PIP5K1C: variants seen among roughly 807,000 people sequenced by gnomAD.
PIP5K1C encodes phosphatidylinositol 4-phosphate 5-kinase type-1 gamma.
Under a neutral mutation model 80.1 loss-of-function variants are expected in PIP5K1C, and 45 were observed. The ratio of observed to expected loss-of-function variants is 0.56; its 90% CI spans 0.44 to 0.72. The LOEUF (loss-of-function observed/expected upper bound fraction) is 0.72. Ranked by LOEUF, PIP5K1C falls within the 30% of genes least tolerant of loss-of-function variation. PIP5K1C has a pLI of 0.00. For synonymous variants in PIP5K1C, 498 were observed against 420.1 expected, an observed-to-expected ratio of 1.19 and a Z score of -2.27; for missense variants, 753 against 954.6, an observed-to-expected ratio of 0.79 and a Z score of 2.78.
chr19:3,666,998 C>T (rs1488250770), intron 2 of PIP5K1C, among the ~76,000 whole-genome samples: 1 of 151,768 alleles, frequency 6.6e-6, no homozygotes, highest in Non-Finnish European at 1.5e-5. Flanking sequence ...CTCTCCCCAC[C>T]GCCCACCCCC....
chr19:3,691,641 A>G (rs1376964618), intron 1 of PIP5K1C, among the ~76,000 whole-genome samples: 2 of 152,148 alleles, frequency 1.3e-5, no homozygotes, highest in African/African-American at 4.8e-5. Flanking sequence ...GAACTGTAAC[A>G]CAAGAGCTTT....
chr19:3,638,606 G>C (rs189023274), intron 16 of PIP5K1C, among the ~76,000 whole-genome samples: 1 of 152,150 alleles, frequency 6.6e-6, no homozygotes, highest in East Asian at 1.9e-4. Context: ...CGGGGAAGGG[G>C]ACAGGGGTGG....
At chr19:3,679,454 T>C (rs1357388133) in intron 1 of PIP5K1C, among the ~76,000 whole-genome samples, 1 of 152,218 alleles carries the variant, frequency 6.6e-6, no homozygotes, top group African/African-American at 2.4e-5. Flanking sequence ...CCGCCTTGCA[T>C]CCCATTCTAT....
At chr19:3,640,507 TTC>T (rs1468815880) in intron 15 of PIP5K1C, among the ~76,000 whole-genome samples, 1 of 152,006 alleles carries the variant, frequency 6.6e-6, no homozygotes, top group Non-Finnish European at 1.5e-5. Context: ...CAGAGCGAGA[TTC>T]TGTCTCAAAG....
In PIP5K1C at chr19:3,641,762, A is replaced by G. The variant is rs2033970912; in HGVS notation, c.1730T>C (p.Val577Ala). 1 of 1,611,920 alleles carries G rather than the reference A, an allele frequency of 6.2e-7. No individual in the cohort carries two copies. The highest frequency in any genetic ancestry group is 8.5e-7 in the Non-Finnish European group (1 of 1,180,004). ...CACGCTGCACGCAGGCTCCACCTGC[A>G]CTGTAATCTGCTGCAGATCCTCTTC... Reference protein sequence around the residue: ...PAEEDLQQITVQVEPACSVEI... With the variant: ...PAEEDLQQITAQVEPACSVEI... Residue 577 changes from valine (V) to alanine (A), a missense_variant, in exon 15 of 18, where the codon GTG becomes GCG. Physicochemically the swap from Val to Ala is moderately conservative, Grantham distance 64 (BLOSUM62 0). This residue lies in a region of PIP5K1C where 315 missense variants were observed against 294.5 expected (regional missense o/e 1.07). Coordinates refer to ENST00000335312, the MANE Select transcript of PIP5K1C (RefSeq NM_012398.3).
intron 1 of PIP5K1C, among the ~76,000 whole-genome samples, chr19:3,678,556 A>C (rs1252400132): frequency 2.8e-5 from 2 of 70,458 alleles, no homozygotes; most frequent in Admixed American, 1.4e-4. Context: ...GGAGAGATGG[A>C]AGGAGGGATG....
At chr19:3,654,113 C>T (rs985174591) in intron 6 of PIP5K1C, among the ~76,000 whole-genome samples, 1 of 152,224 alleles carries the variant, frequency 6.6e-6, no homozygotes, top group Non-Finnish European at 1.5e-5. Flanking sequence ...ACCATCCTCC[C>T]ACCTCAGCCT....
chr19:3,658,758 G>A (rs776288469), intron 5 of PIP5K1C, among the ~76,000 whole-genome samples: 16 of 152,212 alleles, frequency 1.1e-4, no homozygotes, highest in Non-Finnish European at 8.8e-5. Flanking sequence ...GGGCACGTTC[G>A]GCTTTGTACA....
intron 15 of PIP5K1C, among the ~76,000 whole-genome samples, chr19:3,640,824 C>G (rs1043033279): frequency 6.6e-6 from 1 of 151,336 alleles, no homozygotes; most frequent in Non-Finnish European, 1.5e-5. Context: ...GTAGCTGGGC[C>G]GACAGGTGTC....
rs66697450 is a variant in PIP5K1C at position 3,661,721 on chromosome 19, G to C, written c.350+150C>G. The C allele has an allele frequency of 0.077, 66,556 of 868,976 alleles. 4,028 individuals carry two copies. Among genetic ancestry groups the C allele is most frequent in the African/African-American group, 0.21 (12,690 of 60,192 alleles). The allele number at this position is 868,976 out of a possible 1,614,324, so 53.8% of individuals were successfully genotyped here. On this transcript the variant is annotated intron_variant, in intron 4 of 17. Coordinates refer to ENST00000335312, the MANE Select transcript of PIP5K1C (RefSeq NM_012398.3). ...TGATTCAGCAGCAAACAAACGTCCT[G>C]ACGGACAGAGGGCCAGAGCTCAAGG...
chr19:3,667,937 G>A (rs1049538102), intron 1 of PIP5K1C, among the ~76,000 whole-genome samples: 2 of 152,170 alleles, frequency 1.3e-5, no homozygotes, highest in Admixed American at 1.3e-4. Flanking sequence ...CTGGGCAGCT[G>A]CGGTCAGTGG....
intron 15 of PIP5K1C, 91 bp from the exon 16 acceptor site, chr19:3,639,107 T>C (rs2145383806): frequency 1.4e-6 from 2 of 1,451,556 alleles, no homozygotes; most frequent in Non-Finnish European, 9.5e-7. Context: ...AGGGGCTTCA[T>C]ACGGTCATCA....
rs1236087766 is a variant in PIP5K1C, at chr19:3,692,795, C to A, written c.94+7502G>T. On this transcript the variant is annotated intron_variant, in intron 1 of 17. Coordinates refer to ENST00000335312, the MANE Select transcript of PIP5K1C (RefSeq NM_012398.3). This position sits in a 1 kb window ranked among gnomAD's most constrained non-coding sequence, Gnocchi z 5.2. ...AAGCCCAAGTCCTCCCTGCAGCCCA[C>A]AAGGCCCTGCACACCCTGCCCCGTC... Among the ~76,000 whole-genome samples the A allele has an allele frequency of 6.6e-6, 1 of 152,076 alleles. No homozygotes were observed. Among genetic ancestry groups the A allele is most frequent in the Non-Finnish European group, 1.5e-5 (1 of 68,006 alleles).
intron 7 of PIP5K1C, 55 bp from the exon 8 acceptor site, chr19:3,652,086 A>G (rs1045280772): frequency 3.9e-6 from 6 of 1,555,642 alleles, no homozygotes; most frequent in Admixed American, 3.4e-5. Context: ...ATCCCCCACA[A>G]CGGCTCCCGG....
intron 5 of PIP5K1C, among the ~76,000 whole-genome samples, chr19:3,659,105 T>C (rs1218017603): frequency 6.6e-6 from 1 of 152,186 alleles, no homozygotes; most frequent in African/African-American, 2.4e-5. Flanking sequence ...TGACCTCAGC[T>C]GTCCAATCAG....
At chr19:3,662,860 C>T (rs914840738) in intron 3 of PIP5K1C, among the ~76,000 whole-genome samples, 4 of 149,828 alleles carry the variant, frequency 2.7e-5, no homozygotes, top group Admixed American at 6.7e-5. Flanking sequence ...GCCAGCACGC[C>T]GGCCCCGTTA....
intron 7 of PIP5K1C, 115 bp downstream of exon 7, chr19:3,653,175 G>A: frequency 2.2e-6 from 2 of 896,430 alleles, no homozygotes; most frequent in Non-Finnish European, 3.5e-6. Flanking sequence ...GCTGTAGGCT[G>A]CAGGGCAGGT....
At chr19:3,698,323 C>T (rs1490408377) in intron 1 of PIP5K1C, among the ~76,000 whole-genome samples, 1 of 152,220 alleles carries the variant, frequency 6.6e-6, no homozygotes. Flanking sequence ...CGCTGAAGCC[C>T]GGGGAAGTGA....
intron 1 of PIP5K1C, among the ~76,000 whole-genome samples, chr19:3,689,943 C>T (rs2035893302): frequency 6.6e-6 from 1 of 152,138 alleles, no homozygotes; most frequent in South Asian, 2.1e-4. Flanking sequence ...CTTGCCCCTT[C>T]TATAGGCTGG....
Sources: gnomAD v4.1 joint callset for allele counts (sites outside exome capture counted in the v4.1 genomes callset) on GRCh38, gnomAD v4.1.1 for gene constraint, gnomAD v4.1.1 regional missense constraint, Gnocchi (gnomAD v3.1) non-coding constraint, MANE v1.5 for transcripts, NCBI Gene and HGNC (gene_info 2026-07-23, HGNC 2026-07-21) for gene names.